MPO: variants seen among roughly 807,000 people sequenced by gnomAD.
The protein encoded by MPO is myeloperoxidase.
In MPO, 57 loss-of-function variants were observed where a neutral mutation model predicts 69.4. The observed-to-expected ratio is 0.82, with a 90% CI of 0.66 to 1.02. The LOEUF (loss-of-function observed/expected upper bound fraction) is 1.02, where lower values mean the gene tolerates loss of function less well. MPO is among the 50% of genes least tolerant of loss of function. The pLI is 0.00. For missense variants in MPO, 971 were observed against 1,014.1 expected (o/e 0.96, Z 0.58); for synonymous variants, 426 against 417.1 (o/e 1.02, Z -0.26).
intron 11 of MPO, among the ~76,000 whole-genome samples, 174 bp downstream of exon 11, chr17:58,271,481 A>C (rs956946421): frequency 6.6e-6 from 1 of 152,126 alleles, no homozygotes; most frequent in African/African-American, 2.4e-5. Context: ...TGCACCCCCA[A>C]CAGGTTCAGG....
intron 6 of MPO, 98 bp downstream of exon 6, chr17:58,278,910 C>T (rs1036455357): frequency 7.9e-6 from 11 of 1,388,314 alleles, no homozygotes; most frequent in African/African-American, 1.4e-5. Context: ...CCTTCCTCAG[C>T]GTCTGGGAAA....
chr17:58,279,768 G>T (rs1598043340), intron 3 of MPO, 71 bp downstream of exon 3: 2 of 1,613,060 alleles, frequency 1.2e-6, no homozygotes, highest in South Asian at 2.2e-5. Flanking sequence ...GGGGATCACT[G>T]AGAGACGGCT....
At position 58,279,344 on chromosome 17, in the gene MPO, A is replaced by G. The variant is rs202217586; in HGVS notation, c.631T>C (p.Tyr211His). Residue 211 changes from tyrosine to histidine, a missense_variant, in exon 5 of 12, where the codon TAC becomes CAC. Tyr to His is a moderately conservative substitution (Grantham distance 83). Coordinates refer to ENST00000225275, the MANE Select transcript of MPO (RefSeq NM_000250.2). ...CGCTTGACCCCGGGCGTCCAGCCGT[A>G]GGGAAGAGAGAAGCCGTCCTCATAC... is the stretch of plus-strand genomic sequence containing the variant. ...AEYEDGFSLP[Y>H]GWTPGVKRNG... 195 of 1,582,254 alleles carry G rather than the reference A, an allele frequency of 1.2e-4. No individual in the cohort carries two copies. The Middle Eastern group carries it at 2.5e-3, about 20-fold the overall frequency.
In MPO at chr17:58,279,407, C is replaced by T. The variant is rs1970483888; in HGVS notation, c.568G>A (p.Ala190Thr). The T allele has an allele frequency of 2.5e-6, 4 of 1,608,534 alleles. No individual in the cohort carries two copies. The highest frequency in any genetic ancestry group is 1.1e-5 in the South Asian group (1 of 90,288). The change falls in exon 5 of 12, where the codon GCC becomes ACC. Residue 190 changes from alanine (A) to threonine (T), a missense_variant. Physicochemically the swap from Ala to Thr is moderately conservative, Grantham distance 58. Coordinates refer to ENST00000225275, the MANE Select transcript of MPO (RefSeq NM_000250.2). Reference protein sequence around the residue: ...CNNRRSPTLGASNRAFVRWLP... With the variant: ...CNNRRSPTLGTSNRAFVRWLP... Reference sequence around the variant, plus strand: ...CAGCGCACAAAGGCACGGTTGGAGGCCCCCAGCGTGGGGCTGCGTCTGCAG... The same window carrying T: ...CAGCGCACAAAGGCACGGTTGGAGGTCCCCAGCGTGGGGCTGCGTCTGCAG...
In MPO at chr17:58,270,519, A is replaced by C. The variant is rs1461714715; in HGVS notation, c.*137T>G. On this transcript the variant is annotated 3_prime_UTR_variant, in exon 12 of 12. Coordinates refer to ENST00000225275, the MANE Select transcript of MPO (RefSeq NM_000250.2). This position sits in a 1 kb window ranked among gnomAD's most constrained non-coding sequence, Gnocchi z 4.1. ...ATATACTTCGCACATACATGAGCAC[A>C]CAAATGAACGTCTAGTCACTCATTT... 5.2e-6 allele frequency: 4 copies of C among 772,000 alleles called. No individual in the cohort carries two copies. The highest frequency in any genetic ancestry group is 9.1e-6 in the Non-Finnish European group (4 of 441,122). The allele number at this position is 772,000 out of a possible 1,614,324, so 47.8% of individuals were successfully genotyped here.
chr17:58,275,265 G>T lies in MPO; in HGVS notation c.1365+277C>A, dbSNP rs8082134. Among the ~76,000 whole-genome samples, 3,574 of 152,208 alleles carry T rather than the reference G, an allele frequency of 0.023. 145 individuals carry two copies. The highest frequency in any genetic ancestry group is 0.082 in the African/African-American group (3,387 of 41,492). On this transcript the variant is annotated intron_variant, in intron 8 of 11. Transcript: ENST00000225275. The surrounding 1 kb of genome is among the most constrained non-coding windows in gnomAD (Gnocchi z 4.1). The stretch of plus-strand genomic sequence containing the variant: ...GAATTTACTGAACAGCTACTTGGGC[G>T]CTAAACCAAACATTCAACCCTCCCA...
At chr17:58,272,000 AC>A in intron 10 of MPO, 108 bp from the exon 11 acceptor site, 1 of 1,206,982 alleles carries the variant, frequency 8.3e-7, no homozygotes, top group Non-Finnish European at 1.2e-6. Context: ...AGCCCAGAAA[AC>A]CCACCTTCCC....
Position 58,279,885 on chromosome 17 carries a change from C to G in MPO, c.378G>C (p.Leu126=). The G allele has an allele frequency of 6.2e-7, 1 of 1,614,086 alleles. No individual in the cohort carries two copies. The highest frequency in any genetic ancestry group is 1.1e-5 in the South Asian group (1 of 91,082). ...ADYLHVALDL[L]ERKLRSLWRR... ...GCCACAGGGACCGCAGCTTCCTCTC[C>G]AGCAGGTCTAGAGCCACGTGCAGGT... The change falls in exon 3 of 12, where the codon CTG becomes CTC. Residue 126 remains leucine (L), a synonymous_variant. Coordinates refer to ENST00000225275, the MANE Select transcript of MPO (RefSeq NM_000250.2).
In MPO at chr17:58,279,993, G is replaced by T. The variant is rs963340586; in HGVS notation, c.270C>A (p.Ser90Arg). The T allele has an allele frequency of 6.2e-7, 1 of 1,613,206 alleles. No homozygotes were observed. Among genetic ancestry groups the T allele is most frequent in the Non-Finnish European group, 8.5e-7 (1 of 1,180,026 alleles). ...RRESIKQRLR[S>R]GSASPMELLS... Reference sequence around the variant, plus strand: ...GGAGTTCCATGGGGCTGGCTGAGCCGCTGCGAAGCCGCTGCTTGATGCTGC... The same window carrying T: ...GGAGTTCCATGGGGCTGGCTGAGCCTCTGCGAAGCCGCTGCTTGATGCTGC... The change falls in exon 3 of 12, where the codon AGC becomes AGA. Residue 90 changes from serine (S) to arginine (R), a missense_variant. Transcript: ENST00000225275.
At chr17:58,274,375 TGTG>T (rs1567827713) in intron 8 of MPO, among the ~76,000 whole-genome samples, 2 of 151,674 alleles carry the variant, frequency 1.3e-5, no homozygotes, top group Non-Finnish European at 2.9e-5. Context: ...TGTGTGTGTG[TGTG>T]TGTGTGAGTG....
At chr17:58,271,507 T>G in intron 11 of MPO, 148 bp downstream of exon 11, 4 of 822,650 alleles carry the variant, frequency 4.9e-6, no homozygotes, top group Non-Finnish European at 8.0e-6. Flanking sequence ...TTAGGGGCAC[T>G]CCAGGGCATC....
Position 58,279,652 on chromosome 17 carries a change from G to C in MPO, c.425-6C>G, listed in dbSNP as rs759475247. On this transcript the variant is annotated splice_polypyrimidine_tract_variant and splice_region_variant and intron_variant, in intron 3 of 11. Coordinates refer to ENST00000225275, the MANE Select transcript of MPO (RefSeq NM_000250.2). ...CTGGGCGGGCGTCAGCACATCTGCC[G>C]GGGGAAAGAACAATGGGGGAGCTGA... 3.7e-6 allele frequency: 6 copies of C among 1,613,936 alleles called. No individual in the cohort carries two copies. In the African/African-American group the frequency reaches 4.0e-5, roughly 11 times the overall value.
chr17:58,276,033 AT>A (rs1370338082), intron 7 of MPO, among the ~76,000 whole-genome samples: 4 of 152,110 alleles, frequency 2.6e-5, no homozygotes, highest in Non-Finnish European at 5.9e-5. Context: ...GCCTTTTTAT[AT>A]TTTACCCTCC....
At chr17:58,276,007 C>T (rs943681992) in intron 7 of MPO, among the ~76,000 whole-genome samples, 12 of 152,178 alleles carry the variant, frequency 7.9e-5, no homozygotes, top group Admixed American at 6.5e-4. Flanking sequence ...TCCTTGAGCA[C>T]AGGACCAAGG....
At chr17:58,276,511 G>A (rs1970440326) in intron 7 of MPO, among the ~76,000 whole-genome samples, 1 of 152,216 alleles carries the variant, frequency 6.6e-6, no homozygotes, top group Admixed American at 6.5e-5. Flanking sequence ...GCCAGCTCTA[G>A]AAGCTGGTGG....
At chr17:58,278,764 C>G (rs1323875747) in intron 6 of MPO, 1 of 597,700 alleles carries the variant, frequency 1.7e-6, no homozygotes, top group African/African-American at 1.9e-5. Flanking sequence ...GGAGGAACAA[C>G]CCTCTCTCCC....
chr17:58,274,641 G>A (rs900563909), intron 8 of MPO, among the ~76,000 whole-genome samples: 4 of 151,718 alleles, frequency 2.6e-5, no homozygotes, highest in Non-Finnish European at 2.9e-5. Context: ...GTAACGTGGC[G>A]AAACCCCGTC....
intron 7 of MPO, 77 bp downstream of exon 7, chr17:58,277,750 T>C: frequency 3.2e-6 from 5 of 1,585,754 alleles, no homozygotes; most frequent in Non-Finnish European, 4.3e-6. Flanking sequence ...ACCCACAAGC[T>C]GCTCACAAAC....
chr17:58,279,330 G>A lies in MPO; in HGVS notation c.645C>T (p.Pro215=). The change falls in exon 5 of 12, where the codon CCC becomes CCT. Residue 215 remains proline (P), a synonymous_variant. Coordinates refer to ENST00000225275, the MANE Select transcript of MPO (RefSeq NM_000250.2). ...DGFSLPYGWT[P]GVKRNGFPVA... ...CCGGGAAGCCGTTGCGCTTGACCCCGGGCGTCCAGCCGTAGGGAAGAGAGA... is the reference window on the plus strand; with the variant it reads ...CCGGGAAGCCGTTGCGCTTGACCCCAGGCGTCCAGCCGTAGGGAAGAGAGA... The A allele has an allele frequency of 1.9e-6, 3 of 1,573,376 alleles. No homozygotes were observed. The highest frequency in any genetic ancestry group is 1.7e-4 in the Middle Eastern group (1 of 5,950).
Sources: allele counts gnomAD v4.1 joint callset (sites outside exome capture counted in the v4.1 genomes callset), GRCh38; gene constraint gnomAD v4.1.1; non-coding constraint Gnocchi (gnomAD v3.1); transcripts MANE v1.5; gene names NCBI Gene and HGNC (gene_info 2026-07-23, HGNC 2026-07-21).